DLG2: variants seen among roughly 807,000 people sequenced by gnomAD.
DLG2 encodes the protein discs large MAGUK scaffold protein 2.
In DLG2, 45 loss-of-function variants were observed where a neutral mutation model predicts 132.5. The ratio of observed to expected loss-of-function variants is 0.34; its 90% CI spans 0.27 to 0.44. The LOEUF (loss-of-function observed/expected upper bound fraction) is 0.44, where lower values mean the gene tolerates loss of function less well. DLG2 is among the 20% of genes least tolerant of loss of function. DLG2 has a pLI of 1.00. For missense variants in DLG2, 1,045 were observed against 1,196.9 expected, an observed-to-expected ratio of 0.87 and a Z score of 1.87; for synonymous variants, 424 against 419.6, an observed-to-expected ratio of 1.01 and a Z score of -0.13.
At chr11:83,546,679 G>C (rs1363617345) in intron 19 of DLG2, among the ~76,000 whole-genome samples, 4 of 152,058 alleles carry the variant, frequency 2.6e-5, no homozygotes, top group Non-Finnish European at 5.9e-5. Context: ...TCACTCAAAA[G>C]CTCATGTTCC....
chr11:84,160,230 T>G (rs2095516500), intron 9 of DLG2, among the ~76,000 whole-genome samples: 1 of 152,104 alleles, frequency 6.6e-6, no homozygotes. Flanking sequence ...ACACTGGGTA[T>G]CTGGAGTGCT....
At chr11:84,941,561 T>C (rs1306864064) in intron 6 of DLG2, among the ~76,000 whole-genome samples, 1 of 152,150 alleles carries the variant, frequency 6.6e-6, no homozygotes, top group African/African-American at 2.4e-5. Flanking sequence ...CATCCTTGTA[T>C]CCCTGAGATA....
At chr11:85,623,105 C>T (rs1362022371) in intron 2 of DLG2, among the ~76,000 whole-genome samples, 2 of 151,748 alleles carry the variant, frequency 1.3e-5, no homozygotes. Context: ...CTTCAGCTTC[C>T]TTTGAAAGCT....
intron 18 of DLG2, among the ~76,000 whole-genome samples, chr11:83,771,678 T>A (rs879325404): frequency 1.1e-4 from 16 of 152,194 alleles, no homozygotes; most frequent in Admixed American, 9.8e-4. Context: ...AAGACCACCG[T>A]TGTATATGTG....
chr11:83,800,099 T>C (rs937918644), intron 17 of DLG2, among the ~76,000 whole-genome samples: 2 of 152,150 alleles, frequency 1.3e-5, no homozygotes, highest in African/African-American at 4.8e-5. Flanking sequence ...TGGGAGAGTA[T>C]AAAATTATCT....
chr11:85,492,331 T>G (rs1484832751), intron 3 of DLG2, among the ~76,000 whole-genome samples: 1 of 152,184 alleles, frequency 6.6e-6, no homozygotes, highest in Non-Finnish European at 1.5e-5. Context: ...ATCAAAAAAT[T>G]GTAATTGCTA....
At chr11:85,597,129 A>G (rs1187827358) in intron 3 of DLG2, among the ~76,000 whole-genome samples, 2 of 152,144 alleles carry the variant, frequency 1.3e-5, no homozygotes, top group East Asian at 3.8e-4. Flanking sequence ...GCAAAATACA[A>G]TTGTCACTCA....
intron 6 of DLG2, among the ~76,000 whole-genome samples, chr11:84,892,712 AC>A (rs2089595423): frequency 6.6e-6 from 1 of 152,066 alleles, no homozygotes; most frequent in African/African-American, 2.4e-5. Context: ...ATAGGGTTAA[AC>A]CTAACTCTTC....
intron 18 of DLG2, among the ~76,000 whole-genome samples, chr11:83,744,624 T>C (rs2092771648): frequency 6.6e-6 from 1 of 152,274 alleles, no homozygotes. Flanking sequence ...CACCCAGAGA[T>C]CATCTGCTTT....
At chr11:84,446,871 T>G (rs1268202311) in intron 7 of DLG2, among the ~76,000 whole-genome samples, 1 of 152,118 alleles carries the variant, frequency 6.6e-6, no homozygotes, top group Non-Finnish European at 1.5e-5. Context: ...CATACACCCC[T>G]GGGATACCAT....
chr11:84,137,957 T>G (rs1487589072), intron 9 of DLG2, among the ~76,000 whole-genome samples: 1 of 152,208 alleles, frequency 6.6e-6, no homozygotes, highest in East Asian at 1.9e-4. Context: ...ATCCCCTTGT[T>G]AGCTGTTCAA....
chr11:85,215,796 C>A (rs1374055368), intron 4 of DLG2, among the ~76,000 whole-genome samples: 2 of 152,100 alleles, frequency 1.3e-5, no homozygotes, highest in Non-Finnish European at 2.9e-5. Flanking sequence ...ACAATGCATG[C>A]ATTAATAAAC....
chr11:85,624,315 A>T (rs1197905021), intron 2 of DLG2, among the ~76,000 whole-genome samples: 2 of 152,342 alleles, frequency 1.3e-5, no homozygotes, highest in East Asian at 3.9e-4. Context: ...TCAGTAAAAG[A>T]ATCTCCTCTC....
chr11:84,877,444 T>A (rs1053873709), intron 6 of DLG2, among the ~76,000 whole-genome samples: 12 of 151,972 alleles, frequency 7.9e-5, no homozygotes, highest in Non-Finnish European at 1.6e-4. Flanking sequence ...TGTAATGCCC[T>A]TCTTTGTCTT....
At chr11:85,462,586 G>A (rs966336370) in intron 3 of DLG2, among the ~76,000 whole-genome samples, 2 of 151,992 alleles carry the variant, frequency 1.3e-5, no homozygotes, top group Admixed American at 6.5e-5. Context: ...TCACTCATAG[G>A]TGGGAATTGA....
At position 83,508,361 on chromosome 11, in the gene DLG2, C is replaced by T. The variant is rs906922406; in HGVS notation, c.2194-24133G>A. ...ACGCCATTCTTCTGCCTCAGCCTCC[C>T]GAGTAGCTGGGACTACAGGTGCACA... On this transcript the variant is annotated intron_variant, in intron 21 of 27. Transcript: ENST00000376104. 2.0e-5 allele frequency among the ~76,000 whole-genome samples: 3 copies of T among 149,042 alleles called. No homozygotes were observed. The South Asian group carries it at 6.4e-4, about 32-fold the overall frequency.
chr11:84,544,898 G>A (rs2099386581), intron 6 of DLG2, among the ~76,000 whole-genome samples: 1 of 152,138 alleles, frequency 6.6e-6, no homozygotes, highest in African/African-American at 2.4e-5. Context: ...AGTCTTTGGT[G>A]GAATGCTCTT....
intron 3 of DLG2, among the ~76,000 whole-genome samples, chr11:85,488,794 CAG>C (rs1466065948): frequency 6.6e-6 from 1 of 152,074 alleles, no homozygotes; most frequent in African/African-American, 2.4e-5. Flanking sequence ...AAGTCTTTCC[CAG>C]ACAAGGAAAT....
At chr11:85,555,564 G>A (rs558328783) in intron 3 of DLG2, among the ~76,000 whole-genome samples, 11 of 151,964 alleles carry the variant, frequency 7.2e-5, no homozygotes, top group South Asian at 4.2e-4. Context: ...CTCCAAGTAC[G>A]AGGAGGGACT....
Sources: gnomAD v4.1 joint callset for allele counts (sites outside exome capture counted in the v4.1 genomes callset) on GRCh38, gnomAD v4.1.1 for gene constraint, MANE v1.5 for transcripts, NCBI Gene and HGNC (gene_info 2026-07-23, HGNC 2026-07-21) for gene names.